Variants in IKBKE observed in about 807,000 individuals in gnomAD.
The protein encoded by IKBKE is inhibitor of nuclear factor kappa-B kinase subunit epsilon.
IKBKE carries 45 observed loss-of-function variants against 92.1 expected under a neutral mutation model. The observed-to-expected ratio is 0.49, with a 90% CI of 0.38 to 0.63. IKBKE has a LOEUF of 0.63. IKBKE is among the 20% of genes least tolerant of loss of function. The pLI is 0.00. For synonymous variants in IKBKE, 374 were observed against 380.3 expected (o/e 0.98, Z 0.19); for missense variants, 700 against 932.8 (o/e 0.75, Z 3.25).
chr1:206,474,707 C>A, intron 4 of IKBKE, 158 bp from the exon 5 acceptor site: 1 of 882,980 alleles, frequency 1.1e-6, no homozygotes, highest in Non-Finnish European at 1.7e-6. Flanking sequence ...ACTTTGGATT[C>A]CAGTGTGCGG....
chr1:206,478,191 G>C lies in IKBKE; in HGVS notation c.844G>C (p.Ala282Pro), dbSNP rs1553385974. 1 of 1,614,014 alleles carries C rather than the reference G, an allele frequency of 6.2e-7. No individual in the cohort carries two copies. The highest frequency in any genetic ancestry group is 8.5e-7 in the Non-Finnish European group (1 of 1,180,022). Residue 282 changes from alanine to proline, a missense_variant, in exon 9 of 22, where the codon GCC (alanine) becomes CCC (proline). Coordinates refer to ENST00000581977, the MANE Select transcript of IKBKE (RefSeq NM_014002.4). This position sits in a 1 kb window ranked among gnomAD's most constrained non-coding sequence, Gnocchi z 4.8. ...GLQSQLVPIL[A>P]NILEVEQAKC... ...GCAGAGCCAGCTGGTGCCCATCCTG[G>C]CCAACATCCTGGAGGTGGAGCAGGC...
intron 2 of IKBKE, chr1:206,472,795 A>G (rs1664852358): frequency 8.1e-6 from 2 of 247,220 alleles, no homozygotes; most frequent in Non-Finnish European, 1.6e-5. Flanking sequence ...CCTTCCTCCT[A>G]TACTGTTTCT....
chr1:206,478,044 C>G lies in IKBKE; in HGVS notation c.813-116C>G. Reference sequence around the variant, plus strand: ...GCTCTTCCTCCCCAACCCACCCTGCCCCACCATCTTGGTCCTAGCTCTTCA... The same window carrying G: ...GCTCTTCCTCCCCAACCCACCCTGCGCCACCATCTTGGTCCTAGCTCTTCA... On this transcript the variant is annotated intron_variant, in intron 8 of 21. Transcript: ENST00000581977. The surrounding 1 kb of genome is among the most constrained non-coding windows in gnomAD (Gnocchi z 4.8). The G allele has an allele frequency of 1.1e-6, 1 of 877,376 alleles. No homozygotes were observed. The highest frequency in any genetic ancestry group is 1.8e-6 in the Non-Finnish European group (1 of 563,092). The allele number at this position is 877,376 out of a possible 1,614,324, so 54.3% of individuals were successfully genotyped here. A position where few individuals can be genotyped will look rare whatever the true frequency, so the allele number is the denominator to read the frequency against.
At position 206,476,599 on chromosome 1, in the gene IKBKE, C is replaced by A; in HGVS notation, c.541-79C>A. ...GAACAGTTCTGTTTTCACCTGCAGG[C>A]GGTGAAAGGGGGTCTGACAGGTCTC... On this transcript the variant is annotated intron_variant, in intron 6 of 21. Coordinates refer to ENST00000581977, the MANE Select transcript of IKBKE (RefSeq NM_014002.4). The surrounding 1 kb of genome is among the most constrained non-coding windows in gnomAD (Gnocchi z 5.1). 1 of 1,493,970 alleles carries A rather than the reference C, an allele frequency of 6.7e-7. No homozygotes were observed. Among genetic ancestry groups the A allele is most frequent in the Non-Finnish European group, 9.2e-7 (1 of 1,081,782 alleles). 92.5% of individuals were successfully genotyped at this position (1,493,970 alleles called of 1,614,324 possible).
Position 206,493,286 on chromosome 1 carries a change from C to T in IKBKE, c.1953C>T (p.His651=). ...SLSKLLEELS[H]QLLQDRAKGA... Reference sequence around the variant, plus strand: ...TGCAGCTCCTGGAAGAGCTATCTCACCAGCTCCTTCAGGACCGAGCAAAGG... The same window carrying T: ...TGCAGCTCCTGGAAGAGCTATCTCATCAGCTCCTTCAGGACCGAGCAAAGG... Residue 651 remains histidine, a synonymous_variant, in exon 20 of 22, where the codon CAC becomes CAT. Transcript: ENST00000581977. 1 of 1,613,732 alleles carries T rather than the reference C, an allele frequency of 6.2e-7. No individual in the cohort carries two copies. Among genetic ancestry groups the T allele is most frequent in the Non-Finnish European group, 8.5e-7 (1 of 1,179,706 alleles).
chr1:206,486,557 A>G (rs927388945), intron 15 of IKBKE, among the ~76,000 whole-genome samples: 1 of 148,710 alleles, frequency 6.7e-6, no homozygotes, highest in Non-Finnish European at 1.5e-5. Context: ...TGCAGATCTG[A>G]GGCCCTGTCC....
At position 206,476,107 on chromosome 1, in the gene IKBKE, C is replaced by T; in HGVS notation, c.359-74C>T. ...TCTCTCTGGATGCAAGGACAGCCTTCCCACCAAGATGAGCCTCAGACACTA... is the reference window on the plus strand; with the variant it reads ...TCTCTCTGGATGCAAGGACAGCCTTTCCACCAAGATGAGCCTCAGACACTA... On this transcript the variant is annotated intron_variant, in intron 5 of 21. Coordinates refer to ENST00000581977, the MANE Select transcript of IKBKE (RefSeq NM_014002.4). This position sits in a 1 kb window ranked among gnomAD's most constrained non-coding sequence, Gnocchi z 5.1. 6.9e-7 allele frequency: 1 copy of T among 1,444,104 alleles called. No homozygotes were observed. The highest frequency in any genetic ancestry group is 9.6e-7 in the Non-Finnish European group (1 of 1,038,914). 89.5% of individuals were successfully genotyped at this position (1,444,104 alleles called of 1,614,324 possible).
At chr1:206,477,702 C>A in intron 7 of IKBKE, 47 bp from the exon 8 acceptor site, 2 of 1,194,284 alleles carry the variant, frequency 1.7e-6, no homozygotes, top group Admixed American at 2.2e-5. Context: ...CGTTGCCCGG[C>A]AATGTGATAG....
Position 206,496,117 on chromosome 1 carries a change from A to G in IKBKE, c.2123A>G (p.Asn708Ser). 1 of 1,613,560 alleles carries G rather than the reference A, an allele frequency of 6.2e-7. No individual in the cohort carries two copies. Among genetic ancestry groups the G allele is most frequent in the Non-Finnish European group, 8.5e-7 (1 of 1,179,494 alleles). The change falls in exon 22 of 22, where the codon AAT becomes AGT. Residue 708 changes from asparagine to serine, a missense_variant. Asn to Ser is a conservative substitution (Grantham distance 46). Transcript: ENST00000581977. Reference protein sequence around the residue: ...LDNNRIIERLNRVPAPPDV With the variant: ...LDNNRIIERLSRVPAPPDV ...GCCTGTACCTTTTCTTGTAGGCTAA[A>G]TAGAGTCCCAGCACCTCCTGATGTC...
chr1:206,475,075 A>G, intron 5 of IKBKE, 81 bp downstream of exon 5: 1 of 1,424,254 alleles, frequency 7.0e-7, no homozygotes, highest in Non-Finnish European at 9.7e-7. Flanking sequence ...CAGGTGTCTG[A>G]CTCCTGCTAA....
chr1:206,496,120 G>T lies in IKBKE; in HGVS notation c.2126G>T (p.Arg709Ile), dbSNP rs1303062510. 2 of 1,613,520 alleles carry T rather than the reference G, an allele frequency of 1.2e-6. No individual in the cohort carries two copies. Among genetic ancestry groups the T allele is most frequent in the Middle Eastern group, 1.6e-4 (1 of 6,074 alleles). Reference protein sequence around the residue: ...DNNRIIERLNRVPAPPDV With the variant: ...DNNRIIERLNIVPAPPDV ...TGTACCTTTTCTTGTAGGCTAAATA[G>T]AGTCCCAGCACCTCCTGATGTCTGA... The change falls in exon 22 of 22, where the codon AGA becomes ATA. Residue 709 changes from arginine (R) to isoleucine (I), a missense_variant. Physicochemically the swap from Arg to Ile is moderately conservative, Grantham distance 97 (BLOSUM62 -3). Transcript: ENST00000581977.
At position 206,491,724 on chromosome 1, in the gene IKBKE, T is replaced by C. The variant is rs782145720; in HGVS notation, c.1810T>C (p.Leu604=). 10 of 1,613,088 alleles carry C rather than the reference T, an allele frequency of 6.2e-6. No homozygotes were observed. Among genetic ancestry groups the C allele is most frequent in the Non-Finnish European group, 8.5e-6 (10 of 1,179,402 alleles). ...GTGCGTGCAGAAGTATCAAGCGTCC[T>C]TAGTCACACACGGCAAGAGGATGAG... ...EECVQKYQAS[L]VTHGKRMRVV... is the part of the protein sequence containing the mutation. Residue 604 remains leucine, a synonymous_variant, in exon 18 of 22, where the codon TTA becomes CTA. Coordinates refer to ENST00000581977, the MANE Select transcript of IKBKE (RefSeq NM_014002.4).
In IKBKE at chr1:206,479,949, C is replaced by A. The variant is rs201102682; in HGVS notation, c.1248+15C>A. ...ACACTGCCAAGGTGAGGGGCAACCC[C>A]CAGGTGGCAGGGAGGGGCATGACCC... is the stretch of plus-strand genomic sequence containing the variant. On this transcript the variant is annotated intron_variant, in intron 11 of 21. Transcript: ENST00000581977. 1.2e-6 allele frequency: 2 copies of A among 1,613,612 alleles called. No individual in the cohort carries two copies. The highest frequency in any genetic ancestry group is 3.3e-5 in the Admixed American group (2 of 59,942).
Position 206,478,161 on chromosome 1 carries a change from G to A in IKBKE, c.814G>A (p.Gly272Arg). ...TLPITCQLSL[G>R]LQSQLVPILA... ...AGTCTCCATGTCCTGGGAGGGCAGG[G>A]GGCTGCAGAGCCAGCTGGTGCCCAT... is the stretch of plus-strand genomic sequence containing the variant. Residue 272 changes from glycine (G) to arginine (R), a missense_variant and splice_region_variant, in exon 9 of 22, where the codon GGG (glycine) becomes AGG (arginine). Gly to Arg is a moderately radical substitution (Grantham distance 125, BLOSUM62 -2). Transcript: ENST00000581977. The surrounding 1 kb of genome is among the most constrained non-coding windows in gnomAD (Gnocchi z 4.8). 10 of 1,613,420 alleles carry A rather than the reference G, an allele frequency of 6.2e-6. No homozygotes were observed. The highest frequency in any genetic ancestry group is 7.6e-6 in the Non-Finnish European group (9 of 1,179,974).
rs947168163 is a variant in IKBKE, at chr1:206,490,624, G to T, written c.1694-195G>T. On this transcript the variant is annotated intron_variant, in intron 16 of 21. Transcript: ENST00000581977. This position sits in a 1 kb window ranked among gnomAD's most constrained non-coding sequence, Gnocchi z 5.2. ...CACAATTTCCCCATGGCTTCTTGAG[G>T]CCCTGGCTTTGTCCTAATCAGCTAT... Among the ~76,000 whole-genome samples, 3 of 152,206 alleles carry T rather than the reference G, an allele frequency of 2.0e-5. No homozygotes were observed. The highest frequency in any genetic ancestry group is 4.4e-5 in the Non-Finnish European group (3 of 68,030).
In IKBKE at chr1:206,476,421, C is replaced by T. The variant is rs531059997; in HGVS notation, c.540+59C>T. The T allele has an allele frequency of 1.5e-4, 234 of 1,516,656 alleles. 1 individual carries two copies. The East Asian group carries it at 5.0e-3, about 33-fold the overall frequency. 93.9% of individuals were successfully genotyped at this position (1,516,656 alleles called of 1,614,324 possible). On this transcript the variant is annotated intron_variant, in intron 6 of 21. Transcript: ENST00000581977. The surrounding 1 kb of genome is among the most constrained non-coding windows in gnomAD (Gnocchi z 5.1). The stretch of plus-strand genomic sequence containing the variant: ...CTGAGGGCTCCCCTTGCCTTGTGAG[C>T]CCCCCAGAGCCCCCATGAGGGGGTG...
rs192903348 is a variant in IKBKE at position 206,474,514 on chromosome 1, C to T, written c.228+43C>T. 8.0e-4 allele frequency: 1,250 copies of T among 1,562,704 alleles called. 13 individuals carry two copies. The African/African-American group carries it at 0.015, about 19-fold the overall frequency. Reference sequence around the variant, plus strand: ...TCAGAGAATGGTCTTGTCCTTGACCCTTATGGTCTGGGGAGAATCAGGCCA... The same window carrying T: ...TCAGAGAATGGTCTTGTCCTTGACCTTTATGGTCTGGGGAGAATCAGGCCA... On this transcript the variant is annotated intron_variant, in intron 4 of 21. Transcript: ENST00000581977.
chr1:206,480,093 T>G lies in IKBKE; in HGVS notation c.1320T>G (p.Phe440Leu). 6.3e-7 allele frequency: 1 copy of G among 1,583,112 alleles called. No homozygotes were observed. The highest frequency in any genetic ancestry group is 8.6e-7 in the Non-Finnish European group (1 of 1,166,986). The change falls in exon 12 of 22, where the codon TTT becomes TTG. Residue 440 changes from phenylalanine (F) to leucine (L), a missense_variant. By Grantham distance (22) the Phe-to-Leu change is conservative. Transcript: ENST00000581977. ...TGCTGGATGGGCAGGAGCTAATGTT[T>G]CGGGGGCTGCACTGGGTCATGTGAG... ...RALLDGQELM[F>L]RGLHWVMEVL...
Position 206,479,932 on chromosome 1 carries a change from A to G in IKBKE, c.1246A>G (p.Lys416Glu). 2 of 1,613,770 alleles carry G rather than the reference A, an allele frequency of 1.2e-6. No individual in the cohort carries two copies. Among genetic ancestry groups the G allele is most frequent in the Non-Finnish European group, 1.7e-6 (2 of 1,179,912 alleles). Reference protein sequence around the residue: ...VDLQADYNTAKGVLGAGYQAL... With the variant: ...VDLQADYNTAEGVLGAGYQAL... ...CCTGCAGGCGGATTACAACACTGCCAAGGTGAGGGGCAACCCCCAGGTGGC... is the reference window on the plus strand; with the variant it reads ...CCTGCAGGCGGATTACAACACTGCCGAGGTGAGGGGCAACCCCCAGGTGGC... Residue 416 changes from lysine (K) to glutamate (E), a missense_variant and splice_region_variant, in exon 11 of 22, where the codon AAG (lysine) becomes GAG (glutamate). Physicochemically the swap from Lys to Glu is moderately conservative, Grantham distance 56. Transcript: ENST00000581977.
Sources: gnomAD v4.1 joint callset for allele counts (sites outside exome capture counted in the v4.1 genomes callset) on GRCh38, gnomAD v4.1.1 for gene constraint, Gnocchi (gnomAD v3.1) non-coding constraint, MANE v1.5 for transcripts, NCBI Gene and HGNC (gene_info 2026-07-23, HGNC 2026-07-21) for gene names.